The following CLASRP variants were observed in gnomAD, a reference collection of about 807,000 sequenced individuals.
CLASRP encodes the protein CLK4 associating serine/arginine rich protein, also known as CLK4-associating serine/arginine rich protein.
A neutral mutation model predicts 99.9 loss-of-function variants in CLASRP; 52 were observed. The ratio of observed to expected loss-of-function variants is 0.52; its 90% CI spans 0.42 to 0.66. The LOEUF is 0.66. Among genes scored for constraint, CLASRP ranks in the 30% least tolerant of loss-of-function variants. CLASRP has a pLI of 0.00. For synonymous variants in CLASRP, 379 were observed against 373.0 expected, an observed-to-expected ratio of 1.02 and a Z score of -0.18; for missense variants, 848 against 999.2, an observed-to-expected ratio of 0.85 and a Z score of 2.04.
At chr19:45,065,101 A>G (rs1274878953) in intron 13 of CLASRP, among the ~76,000 whole-genome samples, 4 of 151,836 alleles carry the variant, frequency 2.6e-5, no homozygotes, top group Admixed American at 1.3e-4. Context: ...AAAAATCAAG[A>G]CAGCTCTTTG....
intron 5 of CLASRP, among the ~76,000 whole-genome samples, chr19:45,054,582 G>C (rs926194489): frequency 6.6e-6 from 1 of 152,150 alleles, no homozygotes; most frequent in Non-Finnish European, 1.5e-5. Flanking sequence ...ATGTCGAGGG[G>C]GAACACCCTG....
In CLASRP at chr19:45,056,656, C is replaced by T. The variant is rs1428608658; in HGVS notation, c.464+122C>T. The T allele has an allele frequency of 7.7e-6, 6 of 782,648 alleles. No individual in the cohort carries two copies. The East Asian group carries it at 1.3e-4, about 17-fold the overall frequency. The allele number at this position is 782,648 out of a possible 1,614,324, so 48.5% of individuals were successfully genotyped here. ...CCGAAACCAAGGATGGTGTTCAGCA[C>T]ACAGTCAGTGCTCAATTAATAACTG... is the stretch of plus-strand genomic sequence containing the variant. On this transcript the variant is annotated intron_variant, in intron 6 of 20. Transcript: ENST00000221455.
chr19:45,040,425 A>G (rs1161966525), intron 2 of CLASRP, 114 bp downstream of exon 2: 1 of 672,056 alleles, frequency 1.5e-6, no homozygotes. Context: ...TCATTTCCTC[A>G]GGAGTATATT....
rs1483128267 is a variant in CLASRP at position 45,064,135 on chromosome 19, T to G, written c.1029T>G (p.Ala343=). ...GGSDEEAAAA[A]AAAAASGVTT... The stretch of plus-strand genomic sequence containing the variant: ...GCGATGAGGAGGCAGCCGCAGCCGC[T>G]GCTGCCGCAGCAGCATCAGGAGTCA... Residue 343 remains alanine (A), a synonymous_variant, in exon 12 of 21, where the codon GCT becomes GCG. Coordinates refer to ENST00000221455, the MANE Select transcript of CLASRP (RefSeq NM_007056.3). The G allele has an allele frequency of 1.9e-6, 3 of 1,610,246 alleles. No individual in the cohort carries two copies. Among genetic ancestry groups the G allele is most frequent in the Non-Finnish European group, 2.5e-6 (3 of 1,179,194 alleles).
At chr19:45,066,496 A>G (rs1967089894) in intron 13 of CLASRP, among the ~76,000 whole-genome samples, 1 of 151,574 alleles carries the variant, frequency 6.6e-6, no homozygotes, top group Non-Finnish European at 1.5e-5. Context: ...GGTTGTGCAC[A>G]TCTGTAATCC....
intron 6 of CLASRP, among the ~76,000 whole-genome samples, chr19:45,057,007 C>G (rs922868852): frequency 6.6e-6 from 1 of 152,210 alleles, no homozygotes; most frequent in Non-Finnish European, 1.5e-5. Flanking sequence ...AAAGCCGCGT[C>G]CCTCAAGGAG....
intron 2 of CLASRP, among the ~76,000 whole-genome samples, chr19:45,045,976 C>T (rs1005287972): frequency 4.6e-5 from 7 of 152,102 alleles, no homozygotes; most frequent in Non-Finnish European, 8.8e-5. Flanking sequence ...ACAGTGGTGA[C>T]GACCAACCCC....
At chr19:45,069,438 C>T (rs1183401735) in intron 18 of CLASRP, among the ~76,000 whole-genome samples, 190 bp downstream of exon 18, 1 of 152,140 alleles carries the variant, frequency 6.6e-6, no homozygotes, top group Non-Finnish European at 1.5e-5. Flanking sequence ...CCCACCATTT[C>T]GACCTGCCTC....
chr19:45,044,646 G>A lies in CLASRP; in HGVS notation c.99+4335G>A, dbSNP rs543302325. On this transcript the variant is annotated intron_variant, in intron 2 of 20. Coordinates refer to ENST00000221455, the MANE Select transcript of CLASRP (RefSeq NM_007056.3). The stretch of plus-strand genomic sequence containing the variant: ...TAGCCAGGTTTGGTGGCATGCGCCT[G>A]TGGTCCCAGCTACTTGGGAGGCTGA... 4.2e-4 allele frequency among the ~76,000 whole-genome samples: 63 copies of A among 151,438 alleles called. No homozygotes were observed. In the South Asian group the frequency reaches 7.5e-3, roughly 18 times the overall value.
At chr19:45,070,168 C>A in intron 19 of CLASRP, 64 bp downstream of exon 19, 1 of 1,078,364 alleles carries the variant, frequency 9.3e-7, no homozygotes, top group Non-Finnish European at 1.4e-6. Flanking sequence ...GCAGGGTTAC[C>A]AAAAAAACCA....
intron 2 of CLASRP, among the ~76,000 whole-genome samples, chr19:45,051,248 C>G (rs574346661): frequency 6.6e-6 from 1 of 152,070 alleles, no homozygotes. Flanking sequence ...GCGAGGTCTT[C>G]GTACTGGCTA....
chr19:45,060,521 C>A lies in CLASRP; in HGVS notation c.790-33C>A. ...CAGGGGTGTGTCACAGGGAGGGCACCCCCTCACCAACCTGGCACCCACCCT... is the reference window on the plus strand; with the variant it reads ...CAGGGGTGTGTCACAGGGAGGGCACACCCTCACCAACCTGGCACCCACCCT... On this transcript the variant is annotated intron_variant, in intron 9 of 20. Coordinates refer to ENST00000221455, the MANE Select transcript of CLASRP (RefSeq NM_007056.3). The surrounding 1 kb of genome is among the most constrained non-coding windows in gnomAD (Gnocchi z 4.6). 1.9e-6 allele frequency: 3 copies of A among 1,612,378 alleles called. No homozygotes were observed. Among genetic ancestry groups the A allele is most frequent in the East Asian group, 2.2e-5 (1 of 44,840 alleles).
chr19:45,063,701 C>T (rs992154118), intron 11 of CLASRP, among the ~76,000 whole-genome samples: 17 of 151,906 alleles, frequency 1.1e-4, no homozygotes, highest in African/African-American at 2.9e-4. Flanking sequence ...CGGCCTGCCT[C>T]GGCCTCCCAC....
At chr19:45,045,045 C>T (rs1214283346) in intron 2 of CLASRP, among the ~76,000 whole-genome samples, 1 of 152,172 alleles carries the variant, frequency 6.6e-6, no homozygotes, top group Non-Finnish European at 1.5e-5. Flanking sequence ...CACAGAAAAG[C>T]CAAGAGGTAA....
intron 2 of CLASRP, among the ~76,000 whole-genome samples, chr19:45,048,217 A>G (rs1205915608): frequency 6.6e-6 from 1 of 151,486 alleles, no homozygotes; most frequent in African/African-American, 2.4e-5. Flanking sequence ...TTTGAGCCTC[A>G]GTTTACTCAT....
At chr19:45,050,755 C>G (rs997168172) in intron 2 of CLASRP, among the ~76,000 whole-genome samples, 7 of 151,994 alleles carry the variant, frequency 4.6e-5, no homozygotes, top group African/African-American at 1.7e-4. Flanking sequence ...TCTTGTCCCC[C>G]AGGCTGGAGT....
intron 11 of CLASRP, 119 bp from the exon 12 acceptor site, chr19:45,063,893 C>T: frequency 1.4e-6 from 2 of 1,414,446 alleles, no homozygotes; most frequent in African/African-American, 1.4e-5. Flanking sequence ...TCCATCCACC[C>T]GCCTGGTTTC....
chr19:45,068,256 A>T lies in CLASRP; in HGVS notation c.1708-164A>T. On this transcript the variant is annotated intron_variant, in intron 15 of 20. Transcript: ENST00000221455. ...TACACTGGGGCTCCACCTGTCACTG[A>T]ACCTCTGGGAGCCTCAGGGCTGTCC... 4.6e-6 allele frequency: 3 copies of T among 658,638 alleles called. No homozygotes were observed. The South Asian group carries it at 5.3e-5, about 12-fold the overall frequency. The allele number at this position is 658,638 out of a possible 1,614,324, so 40.8% of individuals were successfully genotyped here. A position where few individuals can be genotyped will look rare whatever the true frequency, so the allele number is the denominator to read the frequency against.
chr19:45,043,783 T>C (rs1331320321), intron 2 of CLASRP, among the ~76,000 whole-genome samples: 2 of 152,110 alleles, frequency 1.3e-5, no homozygotes, highest in Non-Finnish European at 2.9e-5. Flanking sequence ...TCTCCGATAG[T>C]GTCAGAAAGA....
Sources: gnomAD v4.1 joint callset for allele counts (sites outside exome capture counted in the v4.1 genomes callset) on GRCh38, gnomAD v4.1.1 for gene constraint, Gnocchi (gnomAD v3.1) non-coding constraint, MANE v1.5 for transcripts, NCBI Gene and HGNC (gene_info 2026-07-23, HGNC 2026-07-21) for gene names.